MAGI2: variants seen among roughly 807,000 people sequenced by gnomAD.
The protein encoded by MAGI2 is membrane-associated guanylate kinase, WW and PDZ domain-containing protein 2.
Under a neutral mutation model 133.3 loss-of-function variants are expected in MAGI2, and 35 were observed. The observed-to-expected ratio is 0.26, with a 90% CI of 0.20 to 0.35. MAGI2 has a LOEUF of 0.35. MAGI2 is among the 10% of genes least tolerant of loss of function. The pLI is 1.00. For synonymous variants in MAGI2, 729 were observed against 710.6 expected (o/e 1.03, Z -0.41); for missense variants, 1,636 against 1,863.4 (o/e 0.88, Z 2.25).
chr7:79,058,989 T>C lies in MAGI2; in HGVS notation c.302-51783A>G, dbSNP rs113199308. ...ATAAAGCTTAACATGGCATACTCAG[T>C]ATAGTAAGTAGTCAATAAATAGGAG... On this transcript the variant is annotated intron_variant, in intron 1 of 21. Transcript: ENST00000354212. Among the ~76,000 whole-genome samples, 648 of 152,154 alleles carry C rather than the reference T, an allele frequency of 4.3e-3. 9 individuals are homozygous for C. The highest frequency in any genetic ancestry group is 0.014 in the African/African-American group (600 of 41,532).
rs952201511 is a variant in MAGI2, at chr7:79,083,647, T to C, written c.302-76441A>G. Among the ~76,000 whole-genome samples the C allele has an allele frequency of 6.6e-5, 10 of 151,638 alleles. 1 individual carries two copies. The highest frequency in any genetic ancestry group is 4.6e-4 in the Admixed American group (7 of 15,182). On this transcript the variant is annotated intron_variant, in intron 1 of 21. Transcript: ENST00000354212. ...TGTAATTTTCTTTATTTTTTATGTA[T>C]TTGTTGGGTTATTATACCAGAGTAA... is the stretch of plus-strand genomic sequence containing the variant.
chr7:78,413,998 G>A (rs912301672), intron 6 of MAGI2, among the ~76,000 whole-genome samples: 3 of 151,922 alleles, frequency 2.0e-5, no homozygotes, highest in Admixed American at 2.0e-4. Flanking sequence ...TTAAGTTAAT[G>A]GGAACATATT....
At chr7:78,854,459 A>T (rs1164702559) in intron 2 of MAGI2, among the ~76,000 whole-genome samples, 1 of 152,166 alleles carries the variant, frequency 6.6e-6, no homozygotes, top group Admixed American at 6.5e-5. Flanking sequence ...AGTTACAAAA[A>T]ATCATAAATA....
chr7:78,643,459 A>G (rs1382584400), intron 2 of MAGI2, among the ~76,000 whole-genome samples: 3 of 152,298 alleles, frequency 2.0e-5, no homozygotes, highest in East Asian at 3.9e-4. Context: ...TACAAGTCAC[A>G]TAATAGAAAT....
chr7:78,094,211 A>T (rs897361886), intron 20 of MAGI2, among the ~76,000 whole-genome samples: 1 of 152,196 alleles, frequency 6.6e-6, no homozygotes, highest in African/African-American at 2.4e-5. Context: ...ACTGTTCAAG[A>T]ACAACTTCAG....
intron 1 of MAGI2, among the ~76,000 whole-genome samples, chr7:79,063,837 T>A (rs1016773472): frequency 3.9e-5 from 6 of 152,034 alleles, no homozygotes. Flanking sequence ...AAAACAAACT[T>A]GAAATGATAA....
Position 78,531,153 on chromosome 7 carries a change from T to C in MAGI2, c.539-9508A>G, listed in dbSNP as rs149361492. ...ATAATTCCAGTTAGTAACAAACTTA[T>C]AAGTCTATCTTTTTGAATGGAAACC... On this transcript the variant is annotated intron_variant, in intron 3 of 21. Transcript: ENST00000354212. Among the ~76,000 whole-genome samples the C allele has an allele frequency of 4.5e-3, 680 of 152,106 alleles. 8 individuals are homozygous for C. The highest frequency in any genetic ancestry group is 0.016 in the African/African-American group (651 of 41,506).
At chr7:79,375,025 T>G (rs1481938504) in intron 1 of MAGI2, among the ~76,000 whole-genome samples, 1 of 151,950 alleles carries the variant, frequency 6.6e-6, no homozygotes, top group African/African-American at 2.4e-5. Context: ...TCTTCCTCCT[T>G]GCCCAGGGCC....
intron 21 of MAGI2, among the ~76,000 whole-genome samples, chr7:78,071,549 A>T (rs1389714151): frequency 1.3e-5 from 2 of 151,918 alleles, no homozygotes. Flanking sequence ...CTGCCAGAAA[A>T]AAAAGAAAGC....
intron 1 of MAGI2, among the ~76,000 whole-genome samples, chr7:79,337,128 A>T (rs189341728): frequency 6.6e-6 from 1 of 152,302 alleles, no homozygotes; most frequent in Non-Finnish European, 1.5e-5. Context: ...TTTATTTTAA[A>T]ATCATGACAT....
At position 79,136,127 on chromosome 7, in the gene MAGI2, A is replaced by AAGAC. The variant is rs1554376163; in HGVS notation, c.302-128925_302-128922dup. Among the ~76,000 whole-genome samples the AAGAC allele has an allele frequency of 2.5e-3, 364 of 146,914 alleles. 2 individuals carry two copies. Among genetic ancestry groups the AAGAC allele is most frequent in the East Asian group, 0.013 (65 of 4,974 alleles). On this transcript the variant is annotated intron_variant, in intron 1 of 21. Coordinates refer to ENST00000354212, the MANE Select transcript of MAGI2 (RefSeq NM_012301.4). ...AAAGAAAGAAAGAAAGAAAGAAAGA[A>AAGAC]AGACACAAAAGGCACTGTATACAGT...
intron 1 of MAGI2, among the ~76,000 whole-genome samples, chr7:79,014,771 T>G (rs1392114411): frequency 1.3e-5 from 2 of 152,102 alleles, no homozygotes; most frequent in Admixed American, 1.3e-4. Context: ...CTTACTAAGA[T>G]TATTAAACTG....
rs565625212 is a variant in MAGI2, at chr7:78,732,716, G to T, written c.419-105477C>A. On this transcript the variant is annotated intron_variant, in intron 2 of 21. Transcript: ENST00000354212. ...AGTACAATGAAGAAATGAAAATTTT[G>T]CAGAAGAAATACTCCAAGTAGATGG... Among the ~76,000 whole-genome samples, 3 of 152,188 alleles carry T rather than the reference G, an allele frequency of 2.0e-5. No homozygotes were observed. The East Asian group carries it at 5.8e-4, about 29-fold the overall frequency.
intron 3 of MAGI2, among the ~76,000 whole-genome samples, chr7:78,602,245 T>C (rs1236266073): frequency 6.6e-6 from 1 of 152,088 alleles, no homozygotes; most frequent in Non-Finnish European, 1.5e-5. Flanking sequence ...CTGCAGCAGC[T>C]GCCTCCCGGG....
intron 1 of MAGI2, among the ~76,000 whole-genome samples, chr7:79,203,664 G>A (rs376081483): frequency 6.6e-6 from 1 of 151,912 alleles, no homozygotes; most frequent in Non-Finnish European, 1.5e-5. Flanking sequence ...ATATTGACTT[G>A]CTCAGTGCTA....
At chr7:78,100,037 T>A (rs1241368628) in intron 20 of MAGI2, among the ~76,000 whole-genome samples, 1 of 152,228 alleles carries the variant, frequency 6.6e-6, no homozygotes, top group African/African-American at 2.4e-5. Flanking sequence ...TGAGTTGTTA[T>A]TTTCACTAGA....
chr7:79,116,823 T>C (rs1446787288), intron 1 of MAGI2, among the ~76,000 whole-genome samples: 1 of 152,186 alleles, frequency 6.6e-6, no homozygotes, highest in African/African-American at 2.4e-5. Context: ...CCTGTCACCA[T>C]ATGATACACT....
At chr7:78,571,156 C>A (rs1801457704) in intron 3 of MAGI2, among the ~76,000 whole-genome samples, 1 of 152,138 alleles carries the variant, frequency 6.6e-6, no homozygotes, top group South Asian at 2.1e-4. Context: ...ATTATCATCA[C>A]CTTCATTCTC....
intron 2 of MAGI2, among the ~76,000 whole-genome samples, chr7:78,811,189 T>A (rs1330350387): frequency 6.6e-6 from 1 of 151,922 alleles, no homozygotes; most frequent in Non-Finnish European, 1.5e-5. Flanking sequence ...TATAGAAAAT[T>A]GAGTAAATTT....
Sources: gnomAD v4.1 joint callset for allele counts (sites outside exome capture counted in the v4.1 genomes callset) on GRCh38, gnomAD v4.1.1 for gene constraint, MANE v1.5 for transcripts, NCBI Gene and HGNC (gene_info 2026-07-23, HGNC 2026-07-21) for gene names.